Variants in CACUL1 observed in about 807,000 individuals in gnomAD.
CACUL1 encodes the protein CDK2-associated and cullin domain-containing protein 1.
A neutral mutation model predicts 45.2 loss-of-function variants in CACUL1; 13 were observed. That is an observed-to-expected ratio of 0.29 (90% CI 0.19 to 0.46). CACUL1 has a LOEUF of 0.46. CACUL1 is among the 20% of genes least tolerant of loss of function. The probability of loss-of-function intolerance (pLI) is 1.00; values close to 1 mark genes in which losing one functional copy is unlikely to be tolerated. For synonymous variants in CACUL1, 197 were observed against 174.2 expected (o/e 1.13, Z -1.03); for missense variants, 421 against 471.4 (o/e 0.89, Z 0.99).
At chr10:118,698,732 C>A (rs1845348218) in intron 5 of CACUL1, among the ~76,000 whole-genome samples, 1 of 152,160 alleles carries the variant, frequency 6.6e-6, no homozygotes, top group Non-Finnish European at 1.5e-5. Context: ...AGATAAGCTA[C>A]CCCACCCCAA....
chr10:118,711,473 G>A (rs961952559), intron 3 of CACUL1, among the ~76,000 whole-genome samples: 30 of 152,116 alleles, frequency 2.0e-4, no homozygotes, highest in African/African-American at 6.5e-4. Flanking sequence ...ACTAATGAAC[G>A]GAATCATACG....
At chr10:118,700,253 A>G (rs1845365532) in intron 5 of CACUL1, among the ~76,000 whole-genome samples, 1 of 152,226 alleles carries the variant, frequency 6.6e-6, no homozygotes, top group Non-Finnish European at 1.5e-5. Context: ...TATGTGCCAC[A>G]TTCGAAAAAA....
intron 3 of CACUL1, among the ~76,000 whole-genome samples, chr10:118,713,383 C>T (rs2119604490): frequency 6.6e-6 from 1 of 152,274 alleles, no homozygotes; most frequent in East Asian, 1.9e-4. Context: ...ACCCAGTGTG[C>T]TCCCACCCCA....
chr10:118,742,268 A>AG (rs1845799882), intron 1 of CACUL1, among the ~76,000 whole-genome samples: 1 of 152,260 alleles, frequency 6.6e-6, no homozygotes, highest in Non-Finnish European at 1.5e-5. Flanking sequence ...AAAAGCAGGA[A>AG]GAAAAAATGG....
In CACUL1 at chr10:118,677,120, G is replaced by T. The variant is rs1354779059; in HGVS notation, c.*9008C>A. On this transcript the variant is annotated 3_prime_UTR_variant, in exon 9 of 9. Transcript: ENST00000369151. ...TTCATAAAATAATTGACCATGGACA[G>T]CATGATTTCAAAAAGCCGCCTTTAG... is the stretch of plus-strand genomic sequence containing the variant. 4 of 152,128 alleles carry T rather than the reference G, an allele frequency of 2.6e-5. No homozygotes were observed. Among genetic ancestry groups the T allele is most frequent in the African/African-American group, 9.7e-5 (4 of 41,436 alleles). 9.4% of individuals were successfully genotyped at this position (152,128 alleles called of 1,614,324 possible).
intron 1 of CACUL1, among the ~76,000 whole-genome samples, chr10:118,754,191 G>A (rs561667008): frequency 6.6e-6 from 1 of 152,314 alleles, no homozygotes; most frequent in African/African-American, 2.4e-5. Flanking sequence ...CAAGAAGCCA[G>A]GGCCGCTCAG....
chr10:118,702,732 C>A lies in CACUL1; in HGVS notation c.694-1324G>T, dbSNP rs1452182912. On this transcript the variant is annotated intron_variant, in intron 4 of 8. Transcript: ENST00000369151. Reference sequence around the variant, plus strand: ...GAGTAGCTTGGATTACAGGCGTATACCACCACACCCGGCTAATTTTTGTAT... The same window carrying A: ...GAGTAGCTTGGATTACAGGCGTATAACACCACACCCGGCTAATTTTTGTAT... Among the ~76,000 whole-genome samples the A allele has an allele frequency of 2.6e-5, 4 of 151,956 alleles. No individual in the cohort carries two copies. In the East Asian group the frequency reaches 5.8e-4, roughly 22 times the overall value.
intron 1 of CACUL1, among the ~76,000 whole-genome samples, chr10:118,752,335 T>C (rs887166025): frequency 6.6e-6 from 1 of 152,184 alleles, no homozygotes; most frequent in Non-Finnish European, 1.5e-5. Flanking sequence ...CTTGTACTCC[T>C]AGGTTACCAA....
chr10:118,732,463 A>T (rs1845706846), intron 1 of CACUL1, among the ~76,000 whole-genome samples: 1 of 152,090 alleles, frequency 6.6e-6, no homozygotes, highest in African/African-American at 2.4e-5. Flanking sequence ...ACACCCTACG[A>T]CTACTTCTCT....
intron 2 of CACUL1, among the ~76,000 whole-genome samples, chr10:118,729,768 A>C (rs955012290): frequency 6.6e-6 from 1 of 152,212 alleles, no homozygotes; most frequent in Non-Finnish European, 1.5e-5. Flanking sequence ...CAGTAGAGAG[A>C]GGTTTCTAAC....
intron 5 of CACUL1, among the ~76,000 whole-genome samples, chr10:118,698,671 G>T (rs1845347615): frequency 6.6e-6 from 1 of 152,150 alleles, no homozygotes; most frequent in Non-Finnish European, 1.5e-5. Flanking sequence ...GAGTCACACT[G>T]AAAGTGCCAG....
intron 5 of CACUL1, among the ~76,000 whole-genome samples, chr10:118,700,221 A>C (rs1225251066): frequency 6.6e-6 from 1 of 152,218 alleles, no homozygotes; most frequent in African/African-American, 2.4e-5. Context: ...AGGAAAGCAA[A>C]AATACATACT....
chr10:118,679,565 C>T lies in CACUL1; in HGVS notation c.*6563G>A, dbSNP rs1845132385. The T allele has an allele frequency of 6.6e-6, 1 of 152,040 alleles. No homozygotes were observed. The highest frequency in any genetic ancestry group is 1.5e-5 in the Non-Finnish European group (1 of 68,016). 9.4% of individuals were successfully genotyped at this position (152,040 alleles called of 1,614,324 possible). A position where few individuals can be genotyped will look rare whatever the true frequency, so the allele number is the denominator to read the frequency against. On this transcript the variant is annotated 3_prime_UTR_variant, in exon 9 of 9. Transcript: ENST00000369151. ...GATAGTTTCACTCTTGTCGCCCAGG[C>T]TGGAGTACAATAGTGCAATCTTGGT... is the stretch of plus-strand genomic sequence containing the variant.
Position 118,754,424 on chromosome 10 carries a change from G to A in CACUL1, c.339C>T (p.Ile113=). 6.3e-7 allele frequency: 1 copy of A among 1,594,912 alleles called. No individual in the cohort carries two copies. The highest frequency in any genetic ancestry group is 1.8e-5 in the Admixed American group (1 of 55,632). Residue 113 remains isoleucine, a synonymous_variant, in exon 1 of 9, where the codon ATC becomes ATT. Transcript: ENST00000369151. ...AAPAPTASST[I]NINTSTSKFL... ...ACTTGGAGGTGGAGGTGTTGATGTT[G>A]ATGGTGGAGCTGGCGGTGGGGGCGG... is the stretch of plus-strand genomic sequence containing the variant.
intron 1 of CACUL1, among the ~76,000 whole-genome samples, chr10:118,738,388 G>C (rs531669066): frequency 6.6e-6 from 1 of 152,162 alleles, no homozygotes; most frequent in East Asian, 1.9e-4. Context: ...AGAAGTCAGC[G>C]TAAGAAATGC....
At chr10:118,739,940 T>G (rs2119663873) in intron 1 of CACUL1, among the ~76,000 whole-genome samples, 1 of 152,066 alleles carries the variant, frequency 6.6e-6, no homozygotes, top group African/African-American at 2.4e-5. Context: ...AGGTCAGGAG[T>G]TAGAGACCAG....
chr10:118,709,366 T>G (rs1476515522), intron 3 of CACUL1, among the ~76,000 whole-genome samples: 1 of 152,230 alleles, frequency 6.6e-6, no homozygotes, highest in Admixed American at 6.5e-5. Context: ...AGTGCATCCA[T>G]GCATGATTTC....
chr10:118,715,175 A>T (rs1589609908), intron 3 of CACUL1, among the ~76,000 whole-genome samples: 1 of 152,232 alleles, frequency 6.6e-6, no homozygotes, highest in Non-Finnish European at 1.5e-5. Flanking sequence ...TGTCCAGTTT[A>T]AATAGTGAAA....
At chr10:118,740,599 GTC>G (rs1564838779) in intron 1 of CACUL1, among the ~76,000 whole-genome samples, 1 of 151,954 alleles carries the variant, frequency 6.6e-6, no homozygotes, top group East Asian at 1.9e-4. Context: ...GACAGAGTGA[GTC>G]TCTGTCTCAA....
Sources: gnomAD v4.1 joint callset for allele counts (sites outside exome capture counted in the v4.1 genomes callset) on GRCh38, gnomAD v4.1.1 for gene constraint, MANE v1.5 for transcripts, NCBI Gene and HGNC (gene_info 2026-07-23, HGNC 2026-07-21) for gene names.